Variants in PDE1C observed in about 807,000 individuals in gnomAD.
PDE1C encodes dual specificity calcium/calmodulin-dependent 3',5'-cyclic nucleotide phosphodiesterase 1C.
Under a neutral mutation model 93.1 loss-of-function variants are expected in PDE1C, and 62 were observed. The ratio of observed to expected loss-of-function variants is 0.67; its 90% CI spans 0.54 to 0.82. PDE1C has a LOEUF of 0.82. PDE1C is among the 40% of genes least tolerant of loss of function. The pLI is 0.00. For missense variants in PDE1C, 742 were observed against 884.6 expected (o/e 0.84, Z 2.04); for synonymous variants, 325 against 310.1 (o/e 1.05, Z -0.50).
chr7:32,112,131 T>C (rs1345964291), intron 3 of PDE1C, among the ~76,000 whole-genome samples: 1 of 152,202 alleles, frequency 6.6e-6, no homozygotes, highest in Non-Finnish European at 1.5e-5. Context: ...TCTCTCAAGA[T>C]GGACATGAGA....
intron 5 of PDE1C, among the ~76,000 whole-genome samples, chr7:31,876,976 A>T (rs1796676208): frequency 6.6e-6 from 1 of 152,204 alleles, no homozygotes. Flanking sequence ...CTCTTTCTTG[A>T]CATTAAATTA....
chr7:31,947,091 T>C (rs1169351304), intron 2 of PDE1C, among the ~76,000 whole-genome samples: 1 of 152,174 alleles, frequency 6.6e-6, no homozygotes, highest in Non-Finnish European at 1.5e-5. Flanking sequence ...CTTAAGTATC[T>C]CCTCTTCAGA....
intron 2 of PDE1C, among the ~76,000 whole-genome samples, chr7:31,963,215 A>T (rs905663710): frequency 6.6e-6 from 1 of 152,196 alleles, no homozygotes; most frequent in African/African-American, 2.4e-5. Flanking sequence ...TACATATATT[A>T]TCTTATTCAA....
intron 2 of PDE1C, among the ~76,000 whole-genome samples, chr7:31,921,024 G>C (rs1802556490): frequency 6.6e-6 from 1 of 152,180 alleles, no homozygotes; most frequent in East Asian, 1.9e-4. Flanking sequence ...ATTCAGAAAT[G>C]CTCCCTCAAA....
At chr7:32,010,217 G>C (rs79826189) in intron 2 of PDE1C, among the ~76,000 whole-genome samples, 1,640 of 152,168 alleles carry the variant, frequency 0.011, 29 homozygotes, top group African/African-American at 0.036. Context: ...GAACAAAGGG[G>C]AACTAAAACA....
intron 2 of PDE1C, among the ~76,000 whole-genome samples, chr7:32,042,997 G>A (rs977489057): frequency 1.8e-4 from 27 of 152,142 alleles, no homozygotes; most frequent in African/African-American, 1.7e-4. Context: ...ACACAAACAC[G>A]ATTCTTAATC....
intron 2 of PDE1C, among the ~76,000 whole-genome samples, chr7:32,174,428 C>G (rs7792583): frequency 0.12 from 18,380 of 152,044 alleles, 1,378 homozygotes; most frequent in East Asian, 0.27. Context: ...GGAGAGCTCA[C>G]CCACTCTGCC....
chr7:31,716,597 CTG>C, the PDE1C span, among the ~76,000 whole-genome samples: 2 of 152,186 alleles, frequency 1.3e-5, no homozygotes, highest in African/African-American at 4.8e-5. Context: ...CCACATGTAA[CTG>C]TTTCCAGAGT....
chr7:31,978,560 A>C (rs772897256), intron 2 of PDE1C, among the ~76,000 whole-genome samples: 1 of 152,192 alleles, frequency 6.6e-6, no homozygotes, highest in African/African-American at 2.4e-5. Context: ...TAAGAAGCCT[A>C]AACATGGAGC....
chr7:32,023,062 A>T (rs1376815552), intron 2 of PDE1C, among the ~76,000 whole-genome samples: 2 of 151,998 alleles, frequency 1.3e-5, no homozygotes, highest in East Asian at 3.9e-4. Context: ...CACATACACA[A>T]GACTGGCCAA....
In PDE1C at chr7:31,930,189, T is replaced by C. The variant is rs541382164; in HGVS notation, c.129-49329A>G. On this transcript the variant is annotated intron_variant, in intron 2 of 17. Transcript: ENST00000396191. ...AGAAATGGATAAATTCCTGGACACA[T>C]ACACCCTCCCAGGACTAAAACAGGA... is the stretch of plus-strand genomic sequence containing the variant. 2.8e-3 allele frequency among the ~76,000 whole-genome samples: 424 copies of C among 152,208 alleles called. 4 individuals carry two copies. The highest frequency in any genetic ancestry group is 4.3e-3 in the Non-Finnish European group (291 of 68,014).
intron 1 of PDE1C, among the ~76,000 whole-genome samples, chr7:32,371,987 G>T (rs1451145300): frequency 6.6e-6 from 1 of 151,230 alleles, no homozygotes; most frequent in African/African-American, 2.4e-5. Context: ...CATAAGGATA[G>T]ACACATAGGT....
intron 16 of PDE1C, among the ~76,000 whole-genome samples, chr7:31,792,797 T>C (rs1332903862): frequency 3.3e-5 from 5 of 152,150 alleles, no homozygotes; most frequent in Non-Finnish European, 5.9e-5. Flanking sequence ...AAAGTGTTAA[T>C]AGGCCACTCT....
At chr7:32,074,982 CAGTG>C (rs1263534811), upstream of PDE1C, among the ~76,000 whole-genome samples, 1 of 152,146 alleles carries the variant, frequency 6.6e-6, no homozygotes, top group Admixed American at 6.5e-5. Context: ...CACATCTAAA[CAGTG>C]AGAGGCATGG....
At chr7:32,027,033 G>A (rs1221269280) in intron 2 of PDE1C, among the ~76,000 whole-genome samples, 1 of 152,112 alleles carries the variant, frequency 6.6e-6, no homozygotes, top group Non-Finnish European at 1.5e-5. Context: ...TGAATAGGCA[G>A]AGCACAGAGA....
intron 2 of PDE1C, among the ~76,000 whole-genome samples, chr7:31,887,235 A>C (rs1798066562): frequency 6.6e-6 from 1 of 152,210 alleles, no homozygotes. Flanking sequence ...TTTCTGGGAA[A>C]GACATTGTTT....
intron 1 of PDE1C, among the ~76,000 whole-genome samples, chr7:32,316,328 C>T (rs1302089507): frequency 2.0e-5 from 3 of 152,086 alleles, no homozygotes; most frequent in African/African-American, 7.2e-5. Flanking sequence ...CCATGTTTAC[C>T]AACGATAGAA....
chr7:32,154,246 G>A (rs1584867883), intron 3 of PDE1C, among the ~76,000 whole-genome samples: 1 of 152,104 alleles, frequency 6.6e-6, no homozygotes, highest in African/African-American at 2.4e-5. Flanking sequence ...GTGACAGAGC[G>A]AGACTATGCC....
the PDE1C span, among the ~76,000 whole-genome samples, chr7:31,744,261 AAC>A: frequency 2.6e-3 from 386 of 150,090 alleles, 1 homozygote; most frequent in African/African-American, 8.4e-3. Context: ...TATGTAGACA[AAC>A]ACACACACAC....
Sources: allele counts gnomAD v4.1 joint callset (sites outside exome capture counted in the v4.1 genomes callset), GRCh38; gene constraint gnomAD v4.1.1; transcripts MANE v1.5; gene names NCBI Gene and HGNC (gene_info 2026-07-23, HGNC 2026-07-21).